Variants in ZNF18 observed in about 807,000 individuals in gnomAD.
ZNF18 encodes the protein heart development-specific gene 1 protein.
A neutral mutation model predicts 58.1 loss-of-function variants in ZNF18; 42 were observed. That is an observed-to-expected ratio of 0.72 (90% CI 0.56 to 0.93). The LOEUF is 0.93. Ranked by LOEUF, ZNF18 falls within the 40% of genes least tolerant of loss-of-function variation. ZNF18 has a pLI of 0.00. For missense variants in ZNF18, 540 were observed against 644.2 expected, an observed-to-expected ratio of 0.84 and a Z score of 1.75; for synonymous variants, 231 against 239.8, an observed-to-expected ratio of 0.96 and a Z score of 0.34.
At chr17:11,998,054 CTT>C (rs1567612006), upstream of ZNF18, among the ~76,000 whole-genome samples, 2 of 118,704 alleles carry the variant, frequency 1.7e-5, no homozygotes, top group Non-Finnish European at 3.8e-5. Flanking sequence ...GTCTCTCTCT[CTT>C]CTCTCTCTCT....
the ZNF18 span, chr17:12,010,839 C>A: frequency 2.1e-6 from 1 of 468,632 alleles, no homozygotes; most frequent in South Asian, 2.4e-5. Flanking sequence ...GCTGGCACTT[C>A]AGTTGAACCC....
chr17:11,997,966 G>C (rs768314052), upstream of ZNF18, among the ~76,000 whole-genome samples: 1 of 152,034 alleles, frequency 6.6e-6, no homozygotes, highest in Non-Finnish European at 1.5e-5. Context: ...CATCAGCTCT[G>C]CATCCCCTGG....
At chr17:11,993,992 T>C (rs924960671) in intron 1 of ZNF18, among the ~76,000 whole-genome samples, 3 of 152,170 alleles carry the variant, frequency 2.0e-5, no homozygotes, top group Non-Finnish European at 4.4e-5. Flanking sequence ...AATAATATTA[T>C]TCTAAAAAGG....
At chr17:12,015,092 G>GTCCC in the ZNF18 span, among the ~76,000 whole-genome samples, 3 of 152,058 alleles carry the variant, frequency 2.0e-5, no homozygotes, top group Non-Finnish European at 4.4e-5. Context: ...CTATAAGTAG[G>GTCCC]TGAATTATAT....
chr17:11,990,855 T>A, intron 3 of ZNF18, 119 bp downstream of exon 3: 1 of 1,165,852 alleles, frequency 8.6e-7, no homozygotes, highest in Non-Finnish European at 1.2e-6. Flanking sequence ...AGGTCTAACC[T>A]GTTTGCAAAC....
the ZNF18 span, among the ~76,000 whole-genome samples, chr17:12,006,922 T>C: frequency 0.043 from 6,563 of 152,336 alleles, 191 homozygotes; most frequent in South Asian, 0.099. Context: ...ATAAATATCA[T>C]ATTTTTACCT....
In ZNF18 at chr17:11,984,098, A is replaced by C; in HGVS notation, c.751+15T>G. 6.2e-7 allele frequency: 1 copy of C among 1,608,382 alleles called. No individual in the cohort carries two copies. Among genetic ancestry groups the C allele is most frequent in the Non-Finnish European group, 8.5e-7 (1 of 1,177,244 alleles). ...TCCTTCTACCTCCTTCCATCAGACT[A>C]ACCCACACCCTCACCTCCTGAGACC... On this transcript the variant is annotated intron_variant, in intron 5 of 6. Coordinates refer to ENST00000580306, the MANE Select transcript of ZNF18 (RefSeq NM_001303281.2).
chr17:11,991,706 C>G (rs983689379), intron 2 of ZNF18, among the ~76,000 whole-genome samples: 1 of 152,154 alleles, frequency 6.6e-6, no homozygotes, highest in Admixed American at 6.5e-5. Context: ...CCTTCTCAAC[C>G]ACACCTGAGT....
At chr17:11,990,932 C>T (rs766574473) in intron 3 of ZNF18, 42 bp downstream of exon 3, 1 of 1,582,350 alleles carries the variant, frequency 6.3e-7, no homozygotes, top group Admixed American at 1.8e-5. Flanking sequence ...AATCACAATC[C>T]CAAAATCTCT....
chr17:11,994,637 C>G (rs538770773), intron 1 of ZNF18, among the ~76,000 whole-genome samples: 2 of 151,802 alleles, frequency 1.3e-5, no homozygotes, highest in African/African-American at 2.4e-5. Context: ...GTCAGGAGAT[C>G]GAGACCATCC....
chr17:11,994,284 T>A (rs1157967619), intron 1 of ZNF18, among the ~76,000 whole-genome samples: 1 of 152,074 alleles, frequency 6.6e-6, no homozygotes, highest in Non-Finnish European at 1.5e-5. Context: ...GGAAAATCAT[T>A]TAAAAACTAA....
the ZNF18 span, chr17:12,009,213 G>A: frequency 6.6e-6 from 1 of 152,030 alleles, no homozygotes; most frequent in Non-Finnish European, 1.5e-5. Flanking sequence ...AGATATATTC[G>A]AGGAGACATG....
the ZNF18 span, chr17:12,020,797 CG>C: frequency 1.9e-6 from 1 of 534,578 alleles, no homozygotes; most frequent in Non-Finnish European, 2.8e-6. Context: ...GGGGCCAAGG[CG>C]GGGGTAAGCC....
intron 6 of ZNF18, among the ~76,000 whole-genome samples, chr17:11,981,488 G>GT (rs1303561457): frequency 2.2e-3 from 223 of 103,632 alleles, no homozygotes; most frequent in South Asian, 0.014. Context: ...CCGGTTTTTT[G>GT]TTTTTTTTTG....
At chr17:12,010,977 T>C in the ZNF18 span, 1 of 725,722 alleles carries the variant, frequency 1.4e-6, no homozygotes, top group Non-Finnish European at 2.5e-6. Flanking sequence ...GCAAGAATCT[T>C]GCCCTTAACT....
intron 3 of ZNF18, 67 bp from the exon 4 acceptor site, chr17:11,990,617 A>G (rs1968055377): frequency 7.8e-7 from 1 of 1,287,176 alleles, no homozygotes; most frequent in Non-Finnish European, 1.1e-6. Flanking sequence ...GAGGGCGCAG[A>G]TAACAATCTT....
chr17:11,995,156 C>G (rs1034024760), intron 1 of ZNF18, among the ~76,000 whole-genome samples: 3 of 152,170 alleles, frequency 2.0e-5, no homozygotes, highest in Non-Finnish European at 4.4e-5. Flanking sequence ...CGCCTGTAAT[C>G]CTAGCATTCT....
At chr17:12,009,680 T>C in the ZNF18 span, among the ~76,000 whole-genome samples, 12 of 152,024 alleles carry the variant, frequency 7.9e-5, no homozygotes, top group Non-Finnish European at 1.3e-4. Flanking sequence ...GTCGAACCCC[T>C]GACCTTAAGT....
the ZNF18 span, among the ~76,000 whole-genome samples, chr17:12,017,850 C>G: frequency 2.0e-5 from 3 of 150,342 alleles, no homozygotes; most frequent in African/African-American, 7.3e-5. Flanking sequence ...GCACTCCAGC[C>G]TGGGCAACAA....
Sources: allele counts gnomAD v4.1 joint callset (sites outside exome capture counted in the v4.1 genomes callset), GRCh38; gene constraint gnomAD v4.1.1; transcripts MANE v1.5; gene names NCBI Gene and HGNC (gene_info 2026-07-23, HGNC 2026-07-21).